Variants in PCGF3 observed in about 807,000 individuals in gnomAD.
The protein encoded by PCGF3 is polycomb group RING finger protein 3.
PCGF3 carries 7 observed loss-of-function variants against 33.1 expected under a neutral mutation model. That is an observed-to-expected ratio of 0.21 (90% CI 0.12 to 0.40). The LOEUF is 0.40. Ranked by LOEUF, PCGF3 falls within the 10% of genes least tolerant of loss-of-function variation. The pLI is 1.00. For missense variants in PCGF3, 211 were observed against 313.3 expected (o/e 0.67, Z 2.46); for synonymous variants, 153 against 121.3 (o/e 1.26, Z -1.72).
At chr4:752,397 T>A (rs1744558973) in intron 8 of PCGF3, among the ~76,000 whole-genome samples, 2 of 152,232 alleles carry the variant, frequency 1.3e-5, no homozygotes, top group African/African-American at 4.8e-5. Context: ...ATCGGTCTGT[T>A]TAATTCCAGA....
intron 1 of PCGF3, among the ~76,000 whole-genome samples, chr4:715,895 G>T (rs1394080049): frequency 8.0e-6 from 1 of 124,294 alleles, no homozygotes. Context: ...TGTGGACACT[G>T]AGGGTGAGAA....
In PCGF3 at chr4:734,923, G is replaced by C; in HGVS notation, c.110-8G>C. 10 of 1,612,700 alleles carry C rather than the reference G, an allele frequency of 6.2e-6. No individual in the cohort carries two copies. The highest frequency in any genetic ancestry group is 8.5e-6 in the Non-Finnish European group (10 of 1,179,588). Reference sequence around the variant, plus strand: ...CGCTCTCCTAACACACCTGTGCTTTGATGACAGTCTGCAGGAGCTGCCTGG... The same window carrying C: ...CGCTCTCCTAACACACCTGTGCTTTCATGACAGTCTGCAGGAGCTGCCTGG... On this transcript the variant is annotated splice_polypyrimidine_tract_variant and splice_region_variant and intron_variant, in intron 4 of 10. Coordinates refer to ENST00000362003, the Ensembl canonical transcript of PCGF3.
Position 730,424 on chromosome 4 carries a change from G to T in PCGF3, c.-189-206G>T, listed in dbSNP as rs1577409587. 2.0e-5 allele frequency among the ~76,000 whole-genome samples: 3 copies of T among 152,180 alleles called. No homozygotes were observed. The East Asian group carries it at 5.8e-4, about 29-fold the overall frequency. On this transcript the variant is annotated intron_variant, in intron 1 of 10. Transcript: ENST00000362003. The stretch of plus-strand genomic sequence containing the variant: ...ACTCCTGCTGTCTCCGATGCCTTGG[G>T]CCTGGGCTCAGAGACGCCCGACAGG...
At position 724,960 on chromosome 4, in the gene PCGF3, C is replaced by CA. The variant is rs150783610; in HGVS notation, c.-189-5658dup. The CA allele has an allele frequency of 2.2e-3, 314 of 140,808 alleles. 3 individuals are homozygous for CA. The highest frequency in any genetic ancestry group is 6.5e-3 in the South Asian group (30 of 4,582). 8.7% of individuals were successfully genotyped at this position (140,808 alleles called of 1,614,324 possible). A position where few individuals can be genotyped will look rare whatever the true frequency, so the allele number is the denominator to read the frequency against. On this transcript the variant is annotated intron_variant, in intron 1 of 10. Coordinates refer to ENST00000362003, the Ensembl canonical transcript of PCGF3. The stretch of plus-strand genomic sequence containing the variant: ...CTGGTGACAGAGCAAGACTTTTTCT[C>CA]AAAAAAAAAAAAGCAAAGAAAAGAA...
At chr4:760,570 C>G (rs1744995217) in intron 8 of PCGF3, among the ~76,000 whole-genome samples, 1 of 152,192 alleles carries the variant, frequency 6.6e-6, no homozygotes, top group Admixed American at 6.5e-5. Flanking sequence ...TTCAGTTAAC[C>G]CCCTGTCCAT....
rs1387360519 is a variant in PCGF3, at chr4:731,536, G to A, written c.-10+426G>A. On this transcript the variant is annotated intron_variant, in intron 3 of 10. Transcript: ENST00000362003. ...CCCTCGTGGGTGGGCGTGGCCCTCA[G>A]GGGTGTAGGGCGGGGCTCCCCCTCC... Among the ~76,000 whole-genome samples the A allele has an allele frequency of 5.3e-5, 8 of 150,182 alleles. No homozygotes were observed. The South Asian group carries it at 1.1e-3, about 20-fold the overall frequency.
At chr4:731,566 G>A (rs1370411189) in intron 3 of PCGF3, among the ~76,000 whole-genome samples, 1 of 125,412 alleles carries the variant, frequency 8.0e-6, no homozygotes, top group African/African-American at 2.8e-5. Flanking sequence ...CCCTCCCGTC[G>A]TGGGTGGGCG....
At chr4:735,694 C>T (rs1174456951) in intron 5 of PCGF3, among the ~76,000 whole-genome samples, 1 of 152,244 alleles carries the variant, frequency 6.6e-6, no homozygotes, top group Non-Finnish European at 1.5e-5. Flanking sequence ...TGCCATGGAG[C>T]AGATGGTCCT....
At chr4:733,539 G>A (rs373607426) in intron 3 of PCGF3, 133 bp from the exon 4 acceptor site, 12 of 827,298 alleles carry the variant, frequency 1.5e-5, no homozygotes, top group Non-Finnish European at 5.6e-6. Context: ...GGGACCCCGT[G>A]AGCCCAAGAG....
chr4:717,856 C>T (rs980378554), intron 1 of PCGF3, among the ~76,000 whole-genome samples: 4 of 152,180 alleles, frequency 2.6e-5, no homozygotes, highest in African/African-American at 9.7e-5. Context: ...GAGGCAAAGG[C>T]AGAGGGAGGT....
At position 722,729 on chromosome 4, in the gene PCGF3, C is replaced by A; in HGVS notation, c.-189-7901C>A. 9.8e-5 allele frequency among the ~76,000 whole-genome samples: 3 copies of A among 30,638 alleles called. 1 individual carries two copies. Among genetic ancestry groups the A allele is most frequent in the African/African-American group, 4.7e-4 (2 of 4,242 alleles). The allele number at this position is 30,638 out of a possible 152,430, so 20.1% of individuals were successfully genotyped here. ...CGCTGGGTCCACACTCGCGTCATCG[C>A]CCACCCACGCCGGGTCCACACTCGC... On this transcript the variant is annotated intron_variant, in intron 1 of 10. Coordinates refer to ENST00000362003, the Ensembl canonical transcript of PCGF3.
At position 727,606 on chromosome 4, in the gene PCGF3, G is replaced by A. The variant is rs184033248; in HGVS notation, c.-189-3024G>A. ...TCAAATGATTTTTATGCACCTGCTG[G>A]GAAGATCATGTGATTTTTCTCCTTG... On this transcript the variant is annotated intron_variant, in intron 1 of 10. Transcript: ENST00000362003. 1.5e-3 allele frequency among the ~76,000 whole-genome samples: 229 copies of A among 152,120 alleles called. 1 individual carries two copies. The highest frequency in any genetic ancestry group is 5.4e-3 in the African/African-American group (222 of 41,480).
intron 6 of PCGF3, among the ~76,000 whole-genome samples, chr4:741,999 A>G (rs1744113338): frequency 6.6e-6 from 1 of 151,832 alleles, no homozygotes; most frequent in South Asian, 2.1e-4. Context: ...TAAGGGAAAC[A>G]TTTTCTTTCA....
chr4:766,287 G>C, exon 11 of PCGF3: 3 of 536,560 alleles, frequency 5.6e-6, no homozygotes, highest in South Asian at 2.2e-5. Context: ...CAGTCTCCCA[G>C]AGCCGATCGT....
In PCGF3 at chr4:721,175, A is replaced by AT. The variant is rs1219962816; in HGVS notation, c.-189-9453dup. On this transcript the variant is annotated intron_variant, in intron 1 of 10. Transcript: ENST00000362003. This position sits in a 1 kb window ranked among gnomAD's most constrained non-coding sequence, Gnocchi z 4.1. The stretch of plus-strand genomic sequence containing the variant: ...TTTGTGAAACCAACCTCACTGCCCC[A>AT]TTACAACAGTGCGGGCCCTGATTCT... Among the ~76,000 whole-genome samples the AT allele has an allele frequency of 7.9e-5, 12 of 152,216 alleles. No homozygotes were observed. The highest frequency in any genetic ancestry group is 2.1e-4 in the South Asian group (1 of 4,814).
intron 9 of PCGF3, 129 bp from the exon 10 acceptor site, chr4:764,855 C>CG: frequency 1.5e-6 from 1 of 647,016 alleles, no homozygotes; most frequent in East Asian, 2.8e-5. Flanking sequence ...CCAGCCCCCC[C>CG]CACCCCATCT....
Position 729,123 on chromosome 4 carries a change from A to C in PCGF3, c.-189-1507A>C, listed in dbSNP as rs1000629285. Among the ~76,000 whole-genome samples, 515 of 148,544 alleles carry C rather than the reference A, an allele frequency of 3.5e-3. 4 individuals are homozygous for C. Among genetic ancestry groups the C allele is most frequent in the African/African-American group, 0.012 (488 of 40,248 alleles). ...TCAAAAAAAAAAAAAAAAAAAAAAA[A>C]AAAAAACTGGGCTGGGCACGGTGGC... On this transcript the variant is annotated intron_variant, in intron 1 of 10. Transcript: ENST00000362003.
chr4:768,955 C>T (rs994856918), exon 11 of PCGF3: 2 of 152,628 alleles, frequency 1.3e-5, no homozygotes, highest in Non-Finnish European at 2.9e-5. Flanking sequence ...ATTTATTTTG[C>T]TAAATTGAAA....
intron 1 of PCGF3, among the ~76,000 whole-genome samples, chr4:716,682 T>TGA (rs201733185): frequency 4.1e-5 from 5 of 123,312 alleles, no homozygotes; most frequent in South Asian, 2.9e-4. Context: ...CTGTAGACAC[T>TGA]GTGTGAGAAC....
Sources: allele counts gnomAD v4.1 joint callset (sites outside exome capture counted in the v4.1 genomes callset), GRCh38; gene constraint gnomAD v4.1.1; non-coding constraint Gnocchi (gnomAD v3.1); transcripts MANE v1.5; gene names NCBI Gene and HGNC (gene_info 2026-07-23, HGNC 2026-07-21).